The following UNC13C variants were observed in gnomAD, a reference collection of about 807,000 sequenced individuals.
The protein encoded by UNC13C is unc-13 homolog C.
A neutral mutation model predicts 245.4 loss-of-function variants in UNC13C; 174 were observed. That is an observed-to-expected ratio of 0.71 (90% CI 0.63 to 0.80). The LOEUF is 0.80. UNC13C is among the 30% of genes least tolerant of loss of function. The pLI is 0.00. For missense variants in UNC13C, 2,829 were observed against 2,602.9 expected (o/e 1.09, Z -1.89); for synonymous variants, 992 against 895.1 (o/e 1.11, Z -1.93).
At chr15:54,047,153 C>G (rs1897073783) in intron 2 of UNC13C, among the ~76,000 whole-genome samples, 1 of 152,016 alleles carries the variant, frequency 6.6e-6, no homozygotes. Flanking sequence ...AAGATTTTCA[C>G]AAATTCAGAC....
chr15:53,918,802 C>A, the UNC13C span, among the ~76,000 whole-genome samples: 4 of 152,168 alleles, frequency 2.6e-5, no homozygotes, highest in Admixed American at 6.5e-5. Flanking sequence ...CTCCCCCACA[C>A]CATGGGATTT....
the UNC13C span, among the ~76,000 whole-genome samples, chr15:53,885,387 C>G: frequency 2.2e-4 from 34 of 152,190 alleles, no homozygotes; most frequent in Non-Finnish European, 5.9e-5. Context: ...TTTAAAGACC[C>G]TTATTCCAGA....
intron 1 of UNC13C, among the ~76,000 whole-genome samples, chr15:53,992,302 T>C (rs1386218243): frequency 2.6e-5 from 4 of 152,078 alleles, no homozygotes; most frequent in Non-Finnish European, 5.9e-5. Context: ...TCTTACAGCT[T>C]CTTCAATATA....
chr15:54,454,616 C>G (rs1891373780), intron 19 of UNC13C, among the ~76,000 whole-genome samples: 1 of 151,472 alleles, frequency 6.6e-6, no homozygotes, highest in Non-Finnish European at 1.5e-5. Flanking sequence ...CCTCCAAGCC[C>G]CTGATATCTT....
At chr15:54,492,909 T>G (rs1188265516) in intron 19 of UNC13C, among the ~76,000 whole-genome samples, 1 of 152,160 alleles carries the variant, frequency 6.6e-6, no homozygotes, top group Admixed American at 6.5e-5. Context: ...TCTCTGGGTC[T>G]TAGAGGGTGT....
chr15:53,883,152 T>A, the UNC13C span, among the ~76,000 whole-genome samples: 1 of 152,140 alleles, frequency 6.6e-6, no homozygotes, highest in Non-Finnish European at 1.5e-5. Flanking sequence ...TAATAGTGAA[T>A]CAGCAATTGA....
At chr15:54,589,267 A>ATTT (rs1281755405) in intron 30 of UNC13C, among the ~76,000 whole-genome samples, 1 of 94,886 alleles carries the variant, frequency 1.1e-5, no homozygotes, top group East Asian at 3.4e-4. Context: ...CTTGTTAGCC[A>ATTT]TTTGTATATC....
At chr15:54,471,057 A>G (rs1396436543) in intron 19 of UNC13C, among the ~76,000 whole-genome samples, 1 of 151,398 alleles carries the variant, frequency 6.6e-6, no homozygotes, top group South Asian at 2.1e-4. Context: ...TTATATAATT[A>G]TGGTTGGAAA....
At chr15:54,407,307 A>G (rs1205597055) in intron 18 of UNC13C, among the ~76,000 whole-genome samples, 1 of 152,196 alleles carries the variant, frequency 6.6e-6, no homozygotes, top group Non-Finnish European at 1.5e-5. Context: ...GGCAAATTCC[A>G]TAGGTAGACC....
intron 2 of UNC13C, chr15:54,049,209 G>A: frequency 2.0e-6 from 1 of 490,218 alleles, no homozygotes; most frequent in Non-Finnish European, 4.0e-6. Context: ...TTTTTCATCA[G>A]CTTTGTCTCA....
chr15:53,995,836 A>C (rs1350819426), intron 1 of UNC13C, among the ~76,000 whole-genome samples: 1 of 152,192 alleles, frequency 6.6e-6, no homozygotes, highest in Non-Finnish European at 1.5e-5. Flanking sequence ...TAGAGTACTG[A>C]GGCTGGAACT....
rs1901247947 is a variant in UNC13C, at chr15:54,627,353, T to C, written c.*240T>C. 2.9e-6 allele frequency: 1 copy of C among 339,786 alleles called. No homozygotes were observed. The highest frequency in any genetic ancestry group is 9.1e-5 in the South Asian group (1 of 10,952). The allele number at this position is 339,786 out of a possible 1,614,324, so 21.0% of individuals were successfully genotyped here. A position where few individuals can be genotyped will look rare whatever the true frequency, so the allele number is the denominator to read the frequency against. On this transcript the variant is annotated 3_prime_UTR_variant, in exon 33 of 33. Coordinates refer to ENST00000260323, the MANE Select transcript of UNC13C (RefSeq NM_001080534.3). ...GAAATATCAAGAACACCTTTTAACA[T>C]GTTTATTTTGTTTCTTTACCCATTT...
chr15:54,567,876 A>T lies in UNC13C; in HGVS notation c.6035A>T (p.Tyr2012Phe), dbSNP rs374231536. 15 of 1,599,932 alleles carry T rather than the reference A, an allele frequency of 9.4e-6. No homozygotes were observed. In the African/African-American group the frequency reaches 1.5e-4, roughly 16 times the overall value. ...EKSPDLQSLRYALSLYTQTTD... is the reference protein window; with the variant it reads ...EKSPDLQSLRFALSLYTQTTD... ...AGCCCAGATCTTCAGTCTCTGAGAT[A>T]TGCTCTCAGTCTTTATACCCAAACT... The change falls in exon 30 of 33, where the codon TAT becomes TTT. Residue 2012 changes from tyrosine to phenylalanine, a missense_variant. Transcript: ENST00000260323.
intron 14 of UNC13C, among the ~76,000 whole-genome samples, chr15:54,329,505 T>G (rs1203788475): frequency 6.6e-6 from 1 of 152,046 alleles, no homozygotes; most frequent in African/African-American, 2.4e-5. Context: ...GTTTTAGATA[T>G]TGTGCCATGT....
At chr15:54,242,580 G>A (rs1043798362) in intron 7 of UNC13C, among the ~76,000 whole-genome samples, 1 of 151,424 alleles carries the variant, frequency 6.6e-6, no homozygotes, top group African/African-American at 2.4e-5. Flanking sequence ...TTATCTCCTT[G>A]TTTTCTATTT....
the UNC13C span, among the ~76,000 whole-genome samples, chr15:53,965,980 G>C: frequency 6.6e-6 from 1 of 151,978 alleles, no homozygotes; most frequent in African/African-American, 2.4e-5. Context: ...TGGACATTTG[G>C]GTTGGTTCCA....
chr15:54,059,256 TTCAGCAAAGCC>T (rs1897690176), intron 2 of UNC13C, among the ~76,000 whole-genome samples: 1 of 152,184 alleles, frequency 6.6e-6, no homozygotes, highest in Non-Finnish European at 1.5e-5. Flanking sequence ...GATAAGCAGC[TTCAGCAAAGCC>T]TCAGGATACA....
At chr15:54,229,243 G>T (rs896689058) in intron 4 of UNC13C, among the ~76,000 whole-genome samples, 2 of 152,138 alleles carry the variant, frequency 1.3e-5, no homozygotes, top group Non-Finnish European at 2.9e-5. Flanking sequence ...GTGAGGGGTG[G>T]CATCAGTAAT....
chr15:54,153,059 A>G (rs1375834006), intron 4 of UNC13C, among the ~76,000 whole-genome samples: 3 of 152,026 alleles, frequency 2.0e-5, no homozygotes, highest in Non-Finnish European at 1.5e-5. Context: ...TGCTGCTGCT[A>G]TAAGCTTGTA....
Sources: gnomAD v4.1 joint callset for allele counts (sites outside exome capture counted in the v4.1 genomes callset) on GRCh38, gnomAD v4.1.1 for gene constraint, MANE v1.5 for transcripts, NCBI Gene and HGNC (gene_info 2026-07-23, HGNC 2026-07-21) for gene names.